Variants in MPRIP observed in about 807,000 individuals in gnomAD.
The protein encoded by MPRIP is myosin phosphatase Rho-interacting protein.
In MPRIP, 59 loss-of-function variants were observed where a neutral mutation model predicts 234.9. The ratio of observed to expected loss-of-function variants is 0.25; its 90% CI spans 0.20 to 0.31. MPRIP has a LOEUF of 0.31. MPRIP is among the 10% of genes least tolerant of loss of function. The pLI is 1.00. For synonymous variants in MPRIP, 1,144 were observed against 1,263.9 expected (o/e 0.91, Z 2.01); for missense variants, 2,436 against 3,071.0 (o/e 0.79, Z 4.89).
chr17:17,177,222 T>C, intron 21 of MPRIP, 28 bp from the exon 22 acceptor site: 1 of 1,604,378 alleles, frequency 6.2e-7, no homozygotes, highest in Non-Finnish European at 8.5e-7. Flanking sequence ...TGGATGTAAC[T>C]ACCATTCTCT....
At chr17:17,086,092 A>G (rs1421040838) in intron 3 of MPRIP, among the ~76,000 whole-genome samples, 4 of 152,206 alleles carry the variant, frequency 2.6e-5, no homozygotes, top group South Asian at 2.1e-4. Flanking sequence ...AAAGTAGTCA[A>G]TGTCTTCAAG....
At chr17:17,076,027 T>G in intron 2 of MPRIP, 1 of 480,176 alleles carries the variant, frequency 2.1e-6, no homozygotes, top group Non-Finnish European at 3.7e-6. Context: ...GCCTGTTTTG[T>G]GGGTCAGGTT....
At chr17:17,130,228 A>C (rs891089055) in intron 4 of MPRIP, among the ~76,000 whole-genome samples, 2 of 152,100 alleles carry the variant, frequency 1.3e-5, no homozygotes, top group Non-Finnish European at 2.9e-5. Flanking sequence ...GGTTCCGTGC[A>C]TTAAGCCTGG....
At chr17:17,141,905 G>C (rs762305794) in intron 7 of MPRIP, 1 of 152,390 alleles carries the variant, frequency 6.6e-6, no homozygotes, top group Non-Finnish European at 1.5e-5. Context: ...GATTACCTTG[G>C]GTTTTTGCTT....
intron 4 of MPRIP, among the ~76,000 whole-genome samples, chr17:17,127,526 A>G (rs959488362): frequency 2.0e-5 from 3 of 152,268 alleles, no homozygotes; most frequent in African/African-American, 7.2e-5. Flanking sequence ...CCAGTCTAGC[A>G]GGGAATTCTT....
intron 1 of MPRIP, among the ~76,000 whole-genome samples, chr17:17,053,998 G>C (rs1258939945): frequency 6.6e-6 from 1 of 152,164 alleles, no homozygotes; most frequent in Admixed American, 6.5e-5. Context: ...TTTATCATAA[G>C]CTAATTGATA....
At chr17:17,061,221 T>A (rs1401683175) in intron 1 of MPRIP, among the ~76,000 whole-genome samples, 1 of 152,232 alleles carries the variant, frequency 6.6e-6, no homozygotes, top group Non-Finnish European at 1.5e-5. Flanking sequence ...TGGACTTTGC[T>A]GTGTGCTCAC....
chr17:17,145,457 A>G (rs976207893), intron 9 of MPRIP, among the ~76,000 whole-genome samples: 6 of 152,204 alleles, frequency 3.9e-5, no homozygotes, highest in African/African-American at 1.4e-4. Context: ...AGGAAGGACA[A>G]GAGCGCTGTG....
intron 5 of MPRIP, among the ~76,000 whole-genome samples, 195 bp downstream of exon 5, chr17:17,131,896 G>A (rs1389212621): frequency 3.3e-5 from 5 of 152,200 alleles, no homozygotes; most frequent in Admixed American, 6.5e-5. Flanking sequence ...ACAGGGACAG[G>A]GTGGCCTGCT....
At chr17:17,120,539 C>T (rs1259716402) in intron 3 of MPRIP, among the ~76,000 whole-genome samples, 1 of 152,116 alleles carries the variant, frequency 6.6e-6, no homozygotes, top group Non-Finnish European at 1.5e-5. Context: ...CCTGCCTAAA[C>T]AATCTGCAGC....
chr17:17,057,817 T>C, intron 1 of MPRIP: 2 of 671,806 alleles, frequency 3.0e-6, no homozygotes, highest in Admixed American at 2.2e-5. Context: ...CTTCACAGTT[T>C]GAAGAGCCGC....
In MPRIP at chr17:17,142,405, G is replaced by C. The variant is rs193284434; in HGVS notation, c.1251-222G>C. The C allele has an allele frequency of 3.4e-3, 1,749 of 509,038 alleles. 23 individuals are homozygous for C. Among genetic ancestry groups the C allele is most frequent in the Middle Eastern group, 5.4e-3 (10 of 1,860 alleles). 31.5% of individuals were successfully genotyped at this position (509,038 alleles called of 1,614,324 possible). A position where few individuals can be genotyped will look rare whatever the true frequency, so the allele number is the denominator to read the frequency against. Reference sequence around the variant, plus strand: ...ACAGAGCCTGCAGGGCCTCTAGCGCGGGGGCAGAGGGTAGGGGCAAGCGCA... The same window carrying C: ...ACAGAGCCTGCAGGGCCTCTAGCGCCGGGGCAGAGGGTAGGGGCAAGCGCA... On this transcript the variant is annotated intron_variant, in intron 7 of 23. Coordinates refer to ENST00000651222, the MANE Select transcript of MPRIP (RefSeq NM_001364716.4).
At position 17,177,412 on chromosome 17, in the gene MPRIP, G is replaced by A; in HGVS notation, c.7120G>A (p.Asp2374Asn). The change falls in exon 22 of 24, where the codon GAT becomes AAT. Residue 2374 changes from aspartate (D) to asparagine (N), a missense_variant and splice_region_variant. By Grantham distance (23) the Asp-to-Asn change is conservative. Transcript: ENST00000651222. ...SPDSATVSGY[D>N]IMKSKSNPDF... ...TGACAGTGCCACGGTGTCCGGATAT[G>A]GTGCGTCCTCGGGTCATGCCCTCTC... 1 of 1,613,154 alleles carries A rather than the reference G, an allele frequency of 6.2e-7. No individual in the cohort carries two copies. Among genetic ancestry groups the A allele is most frequent in the Non-Finnish European group, 8.5e-7 (1 of 1,179,658 alleles).
intron 3 of MPRIP, among the ~76,000 whole-genome samples, chr17:17,084,518 G>A (rs993624315): frequency 2.6e-5 from 4 of 152,370 alleles, no homozygotes; most frequent in South Asian, 2.1e-4. Flanking sequence ...GAGAGATTGC[G>A]AGGTGGCTCA....
chr17:17,168,883 G>T, intron 16 of MPRIP: 1 of 456,656 alleles, frequency 2.2e-6, no homozygotes, highest in South Asian at 1.5e-5. Flanking sequence ...TGACTCCCAG[G>T]TGGCTGCCAC....
rs1369762413 is a variant in MPRIP, at chr17:17,158,491, C to A, written c.1889C>A (p.Thr630Asn). The A allele has an allele frequency of 6.2e-7, 1 of 1,610,160 alleles. No individual in the cohort carries two copies. Among genetic ancestry groups the A allele is most frequent in the Admixed American group, 1.7e-5 (1 of 59,708 alleles). ...SCSFETCPRP[T>N]EKQEAELGEP... ...TCTTTTGAGACCTGCCCGAGGCCTA[C>A]TGAGAAGCAAGAGGCAGAGCTGGGG... The change falls in exon 14 of 24, where the codon ACT becomes AAT. Residue 630 changes from threonine to asparagine, a missense_variant. By Grantham distance (65) the Thr-to-Asn change is moderately conservative. Around this residue, in one of 4 missense-constraint regions of MPRIP, gnomAD observed 1,998 missense variants for 2,520.3 expected, o/e 0.79. Coordinates refer to ENST00000651222, the MANE Select transcript of MPRIP (RefSeq NM_001364716.4).
intron 12 of MPRIP, among the ~76,000 whole-genome samples, chr17:17,151,041 T>TATTATTATCATC (rs1163474661): frequency 1.1e-4 from 17 of 149,958 alleles, no homozygotes; most frequent in African/African-American, 4.2e-4. Flanking sequence ...TTATTATTAT[T>TATTATTATCATC]ATCATTATTT....
rs1567767616 is a variant in MPRIP, at chr17:17,165,915, G to A, written c.4324G>A (p.Ala1442Thr). 4.6e-6 allele frequency: 6 copies of A among 1,304,006 alleles called. No homozygotes were observed. The highest frequency in any genetic ancestry group is 5.5e-5 in the East Asian group (1 of 18,026). The allele number at this position is 1,304,006 out of a possible 1,614,324, so 80.8% of individuals were successfully genotyped here. ...CCGCGCCAGCCTGCTCCAGGTTGGC[G>A]CACTGGCCTCCCAGCTGGAGCAGGA... ...QLRASLLQVGALASQLEQERQ... is the reference protein window; with the variant it reads ...QLRASLLQVGTLASQLEQERQ... The change falls in exon 16 of 24, where the codon GCA becomes ACA. Residue 1442 changes from alanine (A) to threonine (T), a missense_variant. This residue lies in a region of MPRIP where 1,998 missense variants were observed against 2,520.3 expected (regional missense o/e 0.79). Coordinates refer to ENST00000651222, the MANE Select transcript of MPRIP (RefSeq NM_001364716.4).
At chr17:17,082,285 A>ATTTTTTTTTTTTTTT (rs71355536) in intron 3 of MPRIP, among the ~76,000 whole-genome samples, 2 of 88,702 alleles carry the variant, frequency 2.3e-5, no homozygotes, top group African/African-American at 4.6e-5. Context: ...GCTTTTTCCA[A>ATTTTTTTTTTTTTTT]TTTTTTTTTT....
Sources: allele counts gnomAD v4.1 joint callset (sites outside exome capture counted in the v4.1 genomes callset), GRCh38; gene constraint gnomAD v4.1.1; regional missense constraint gnomAD v4.1.1; transcripts MANE v1.5; gene names NCBI Gene and HGNC (gene_info 2026-07-23, HGNC 2026-07-21).